The following IQUB variants were observed in gnomAD, a reference collection of about 807,000 sequenced individuals.
IQUB encodes IQ motif and ubiquitin-like domain-containing protein.
In IQUB, 86 loss-of-function variants were observed where a neutral mutation model predicts 86.4. The observed-to-expected ratio is 1.00, with a 90% CI of 0.84 to 1.19. The LOEUF is 1.19. Among genes scored for constraint, IQUB ranks in the 50% most tolerant of loss-of-function variants. The pLI, the probability that IQUB is intolerant of heterozygous loss-of-function variation, is 0.00. For synonymous variants in IQUB, 289 were observed against 304.5 expected (o/e 0.95, Z 0.53); for missense variants, 946 against 916.9 (o/e 1.03, Z -0.41).
intron 8 of IQUB, among the ~76,000 whole-genome samples, chr7:123,471,822 G>A (rs1462590941): frequency 6.6e-6 from 1 of 152,062 alleles, no homozygotes; most frequent in Non-Finnish European, 1.5e-5. Flanking sequence ...TATTGCACTT[G>A]TAAAAACACA....
At position 123,510,958 on chromosome 7, in the gene IQUB, A is replaced by T. The variant is rs763989324; in HGVS notation, c.398-923T>A. Among the ~76,000 whole-genome samples, 6 of 152,300 alleles carry T rather than the reference A, an allele frequency of 3.9e-5. No individual in the cohort carries two copies. The South Asian group carries it at 6.2e-4, about 16-fold the overall frequency. ...AGTTCAGGAGGTAAAGGACCAAGACAACATTTTTTTAAAAATCACTATGTG... is the reference window on the plus strand; with the variant it reads ...AGTTCAGGAGGTAAAGGACCAAGACTACATTTTTTTAAAAATCACTATGTG... On this transcript the variant is annotated intron_variant, in intron 2 of 12. Transcript: ENST00000324698.
chr7:123,490,468 A>G (rs1795408524), intron 7 of IQUB, among the ~76,000 whole-genome samples: 1 of 152,208 alleles, frequency 6.6e-6, no homozygotes, highest in Admixed American at 6.5e-5. Flanking sequence ...ATACCCCCTC[A>G]CAATAACTGA....
At chr7:123,481,849 A>C (rs1238882022) in intron 7 of IQUB, among the ~76,000 whole-genome samples, 6 of 152,150 alleles carry the variant, frequency 3.9e-5, no homozygotes, top group Non-Finnish European at 7.4e-5. Context: ...ATAGTGCAGA[A>C]AGCAAGATGA....
intron 8 of IQUB, among the ~76,000 whole-genome samples, chr7:123,477,239 A>T (rs536687148): frequency 1.8e-4 from 28 of 152,328 alleles, no homozygotes; most frequent in African/African-American, 6.3e-4. Context: ...ATCAAAACAG[A>T]GAGATAGACC....
chr7:123,487,573 A>G (rs553668022), intron 7 of IQUB, among the ~76,000 whole-genome samples: 35 of 152,364 alleles, frequency 2.3e-4, no homozygotes, highest in Admixed American at 2.3e-3. Context: ...TTAATAGAGG[A>G]TATTATCACA....
At chr7:123,527,143 C>T (rs1395086725) in intron 1 of IQUB, among the ~76,000 whole-genome samples, 2 of 152,140 alleles carry the variant, frequency 1.3e-5, no homozygotes, top group Admixed American at 6.6e-5. Flanking sequence ...ACGTAGTTCT[C>T]GAGCCTTGGT....
rs756740327 is a variant in IQUB at position 123,461,361 on chromosome 7, A to G, written c.2003T>C (p.Met668Thr). 6.2e-7 allele frequency: 1 copy of G among 1,605,610 alleles called. No individual in the cohort carries two copies. The highest frequency in any genetic ancestry group is 2.2e-5 in the East Asian group (1 of 44,694). The change falls in exon 11 of 13, where the codon ATG becomes ACG. Residue 668 changes from methionine (M) to threonine (T), a missense_variant. Met to Thr is a moderately conservative substitution (Grantham distance 81, BLOSUM62 -1). Coordinates refer to ENST00000324698, the MANE Select transcript of IQUB (RefSeq NM_178827.5). ...YEDDSKIAFL[M>T]QLQDIQYLTE... Reference sequence around the variant, plus strand: ...GGCACCCCTTATTGACCATACCTGCATCAAGAAAGCAATTTTAGAATCATC... The same window carrying G: ...GGCACCCCTTATTGACCATACCTGCGTCAAGAAAGCAATTTTAGAATCATC...
At chr7:123,496,233 G>C (rs1212097739) in intron 7 of IQUB, among the ~76,000 whole-genome samples, 2 of 152,076 alleles carry the variant, frequency 1.3e-5, no homozygotes, top group African/African-American at 4.8e-5. Context: ...TCAAGGTGTA[G>C]AGAATATACA....
intron 8 of IQUB, among the ~76,000 whole-genome samples, chr7:123,478,872 A>C (rs1232879895): frequency 6.6e-6 from 1 of 152,082 alleles, no homozygotes; most frequent in Non-Finnish European, 1.5e-5. Context: ...CTTGAAGTGT[A>C]ATCTTGGGAA....
rs567558096 is a variant in IQUB, at chr7:123,469,437, A to G, written c.1411-53T>C. ...ATCAGTTAATTAGAAACTACGTATA[A>G]CAATTTTGCTCCTTCTACTAAAAGT... On this transcript the variant is annotated intron_variant, in intron 8 of 12. Transcript: ENST00000324698. 7.4e-6 allele frequency: 8 copies of G among 1,075,534 alleles called. No individual in the cohort carries two copies. In the South Asian group the frequency reaches 1.8e-4, roughly 25 times the overall value. The allele number at this position is 1,075,534 out of a possible 1,614,324, so 66.6% of individuals were successfully genotyped here.
chr7:123,480,494 A>C (rs1360312005), intron 7 of IQUB, among the ~76,000 whole-genome samples: 1 of 152,072 alleles, frequency 6.6e-6, no homozygotes, highest in Non-Finnish European at 1.5e-5. Context: ...ATCATATCAG[A>C]GTCAATTGTT....
At chr7:123,465,869 AG>A (rs1208672142) in intron 9 of IQUB, among the ~76,000 whole-genome samples, 1 of 151,980 alleles carries the variant, frequency 6.6e-6, no homozygotes, top group Non-Finnish European at 1.5e-5. Context: ...ACTGCTCTGA[AG>A]TGGGGCCTAG....
At chr7:123,533,063 C>T (rs1043055417) in intron 1 of IQUB, 1 of 152,184 alleles carries the variant, frequency 6.6e-6, no homozygotes, top group African/African-American at 2.4e-5. Context: ...ACCTCTGACT[C>T]CCCCAGTCCT....
chr7:123,524,207 G>C (rs995872947), intron 1 of IQUB, among the ~76,000 whole-genome samples: 1 of 147,240 alleles, frequency 6.8e-6, no homozygotes, highest in Non-Finnish European at 1.5e-5. Context: ...GGTTCCATAT[G>C]AACTTTAAAG....
intron 6 of IQUB, among the ~76,000 whole-genome samples, chr7:123,497,698 T>A (rs947265259): frequency 1.8e-4 from 27 of 150,984 alleles, no homozygotes; most frequent in African/African-American, 6.1e-4. Flanking sequence ...TCCCTTACTC[T>A]CATCCTAATG....
In IQUB at chr7:123,496,655, G is replaced by T. The variant is rs111323505; in HGVS notation, c.1234+41C>A. The T allele has an allele frequency of 4.2e-6, 5 of 1,199,296 alleles. No individual in the cohort carries two copies. The African/African-American group carries it at 4.6e-5, about 11-fold the overall frequency. The allele number at this position is 1,199,296 out of a possible 1,614,324, so 74.3% of individuals were successfully genotyped here. ...TAAATCTGTTTTTCCTATTAATGAA[G>T]AATTTAAAAATATTTTTTGCAAAGC... On this transcript the variant is annotated intron_variant, in intron 7 of 12. Transcript: ENST00000324698.
chr7:123,514,740 C>A (rs149816196), intron 1 of IQUB, among the ~76,000 whole-genome samples: 1 of 152,292 alleles, frequency 6.6e-6, no homozygotes, highest in East Asian at 1.9e-4. Context: ...TCATCCCTCA[C>A]ACCCTTCCCA....
At chr7:123,512,576 TTTC>T (rs1437777676) in intron 1 of IQUB, among the ~76,000 whole-genome samples, 2 of 152,222 alleles carry the variant, frequency 1.3e-5, no homozygotes, top group Non-Finnish European at 2.9e-5. Flanking sequence ...TATCTTGTCA[TTTC>T]TTATTTCTTC....
chr7:123,518,200 T>C lies in IQUB; in HGVS notation c.-4-5856A>G, dbSNP rs116874483. Among the ~76,000 whole-genome samples, 668 of 152,210 alleles carry C rather than the reference T, an allele frequency of 4.4e-3. 3 individuals are homozygous for C. Among genetic ancestry groups the C allele is most frequent in the Middle Eastern group, 6.8e-3 (2 of 294 alleles). On this transcript the variant is annotated intron_variant, in intron 1 of 12. Coordinates refer to ENST00000324698, the MANE Select transcript of IQUB (RefSeq NM_178827.5). ...GCCACTCAAAAAGCACTGTCAATAC[T>C]GACCTGAAAATTTAGTCTCAGTCTA...
Sources: gnomAD v4.1 joint callset for allele counts (sites outside exome capture counted in the v4.1 genomes callset) on GRCh38, gnomAD v4.1.1 for gene constraint, MANE v1.5 for transcripts, NCBI Gene and HGNC (gene_info 2026-07-23, HGNC 2026-07-21) for gene names.